SETD2: variants seen among roughly 807,000 people sequenced by gnomAD.
SETD2 encodes the protein SET domain containing 2, histone lysine methyltransferase.
In SETD2, 31 loss-of-function variants were observed where a neutral mutation model predicts 242.1. That is an observed-to-expected ratio of 0.13 (90% CI 0.10 to 0.17). The LOEUF is 0.17. Ranked by LOEUF, SETD2 falls within the 10% of genes least tolerant of loss-of-function variation. SETD2 has a pLI of 1.00. For synonymous variants in SETD2, 1,006 were observed against 1,066.5 expected (o/e 0.94, Z 1.11); for missense variants, 2,481 against 3,046.3 (o/e 0.81, Z 4.37).
intron 18 of SETD2, among the ~76,000 whole-genome samples, chr3:47,026,811 T>C (rs2038501016): frequency 6.6e-6 from 1 of 151,084 alleles, no homozygotes; most frequent in Non-Finnish European, 1.5e-5. Context: ...TGTCAGGGGG[T>C]AGGGGACTAG....
intron 1 of SETD2, among the ~76,000 whole-genome samples, chr3:47,159,249 G>A (rs1277938894): frequency 6.6e-6 from 1 of 152,096 alleles, no homozygotes; most frequent in African/African-American, 2.4e-5. Context: ...CCTTTCCCCT[G>A]AACTTCAGAC....
intron 18 of SETD2, among the ~76,000 whole-genome samples, chr3:47,022,938 G>A (rs1360538834): frequency 6.6e-6 from 1 of 152,220 alleles, no homozygotes; most frequent in Admixed American, 6.5e-5. Flanking sequence ...TACACAGGCT[G>A]TGTAACACAA....
At chr3:47,099,249 A>G (rs569410904) in intron 8 of SETD2, among the ~76,000 whole-genome samples, 1 of 152,350 alleles carries the variant, frequency 6.6e-6, no homozygotes, top group Non-Finnish European at 1.5e-5. Context: ...TAAAAGAATT[A>G]AAATATTCAG....
At chr3:47,037,059 C>CTTTT (rs10536067) in intron 18 of SETD2, among the ~76,000 whole-genome samples, 18 of 71,732 alleles carry the variant, frequency 2.5e-4, no homozygotes, top group South Asian at 7.0e-4. Flanking sequence ...AAAGGCCATT[C>CTTTT]TTTTTTTTTT....
intron 1 of SETD2, among the ~76,000 whole-genome samples, chr3:47,157,240 G>A (rs956306637): frequency 3.3e-5 from 5 of 152,134 alleles, no homozygotes; most frequent in African/African-American, 1.2e-4. Context: ...TCCAGCCTGG[G>A]CAAGAGCGAA....
At chr3:47,070,520 T>C (rs2040775352) in intron 12 of SETD2, among the ~76,000 whole-genome samples, 1 of 152,196 alleles carries the variant, frequency 6.6e-6, no homozygotes, top group Admixed American at 6.5e-5. Flanking sequence ...CATTGAAAGC[T>C]GAGAAGGAAG....
rs1427099928 is a variant in SETD2, at chr3:47,122,324, G to C, written c.2312C>G (p.Ser771Cys). 2.5e-6 allele frequency: 4 copies of C among 1,614,138 alleles called. No homozygotes were observed. In the Admixed American group the frequency reaches 6.7e-5, roughly 27 times the overall value. Residue 771 changes from serine to cysteine, a missense_variant, in exon 3 of 21, where the codon TCC (serine) becomes TGC (cysteine). Physicochemically the swap from Ser to Cys is moderately radical, Grantham distance 112. Transcript: ENST00000409792. ...MSMPVMTVDY[S>C]KTVVKEPVDT... ...AACTGGTTCTTTAACTACTGTTTTG[G>C]AATAATCCACAGTCATAACTGGCAT...
At chr3:47,085,721 C>T (rs1173276780) in intron 11 of SETD2, among the ~76,000 whole-genome samples, 1 of 152,194 alleles carries the variant, frequency 6.6e-6, no homozygotes, top group Non-Finnish European at 1.5e-5. Flanking sequence ...GACATCGTAA[C>T]TCCACTAATA....
rs77513150 is a variant in SETD2, at chr3:47,058,471, G to C, written c.6294-981C>G. On this transcript the variant is annotated intron_variant, in intron 14 of 20. Transcript: ENST00000409792. ...AAAAAAAAAAAAAAAAAAACACAAA[G>C]AGGGAGAATATTCACATAAGACTTG... 3.3e-3 allele frequency among the ~76,000 whole-genome samples: 200 copies of C among 60,994 alleles called. 2 individuals carry two copies. The highest frequency in any genetic ancestry group is 0.014 in the African/African-American group (187 of 13,844). 40.0% of individuals were successfully genotyped at this position (60,994 alleles called of 152,430 possible). A position where few individuals can be genotyped will look rare whatever the true frequency, so the allele number is the denominator to read the frequency against.
In SETD2 at chr3:47,121,648, T is replaced by C. The variant is rs772906890; in HGVS notation, c.2988A>G (p.Ser996=). The C allele has an allele frequency of 2.6e-5, 42 of 1,614,018 alleles. No homozygotes were observed. Among genetic ancestry groups the C allele is most frequent in the African/African-American group, 1.9e-4 (14 of 74,944 alleles). The change falls in exon 3 of 21, where the codon TCA becomes TCG. Residue 996 remains serine, a synonymous_variant. Coordinates refer to ENST00000409792, the MANE Select transcript of SETD2 (RefSeq NM_014159.7). The stretch of plus-strand genomic sequence containing the variant: ...AATCACAAGAAGAAAATACAACTTC[T>C]GAGTCATCAGAAGTATGCACATGTC... ...EGGHVHTSDD[S]EVVFSSCDLN...
In SETD2 at chr3:47,113,946, G is replaced by A. The variant is rs2107719506; in HGVS notation, c.4645C>T (p.His1549Tyr). The A allele has an allele frequency of 6.2e-7, 1 of 1,613,156 alleles. No individual in the cohort carries two copies. The stretch of plus-strand genomic sequence containing the variant: ...GTGAGTATGACTTCCACATCTGCAT[G>A]CTGTTTTCTCTGAAACCGTCTATTG... The part of the protein sequence containing the change: ...CSNRRFQRKQ[H>Y]ADVEVILTEK... Residue 1549 changes from histidine to tyrosine, a missense_variant, in exon 5 of 21, where the codon CAT becomes TAT. His to Tyr is a moderately conservative substitution (Grantham distance 83). Transcript: ENST00000409792.
rs1452241626 is a variant in SETD2 at position 47,106,118 on chromosome 3, T to C, written c.4718A>G (p.Asn1573Ser). ...TCCACAATATTCTAGGACAAAGGTG[T>C]TCCTGCAAACCAAAAGGAAAAAAAT... Reference protein sequence around the residue: ...GLRAAKDLPSNTFVLEYCGEV... With the variant: ...GLRAAKDLPSSTFVLEYCGEV... Residue 1573 changes from asparagine (N) to serine (S), a missense_variant and splice_region_variant, in exon 6 of 21, where the codon AAC (asparagine) becomes AGC (serine). Asn to Ser is a conservative substitution (Grantham distance 46). Transcript: ENST00000409792. 1 of 1,610,742 alleles carries C rather than the reference T, an allele frequency of 6.2e-7. No individual in the cohort carries two copies. Among genetic ancestry groups the C allele is most frequent in the East Asian group, 2.2e-5 (1 of 44,788 alleles).
intron 18 of SETD2, among the ~76,000 whole-genome samples, chr3:47,022,060 T>C (rs1001535633): frequency 1.4e-5 from 2 of 146,790 alleles, no homozygotes; most frequent in African/African-American, 2.4e-5. Context: ...GGCAGGAGAA[T>C]CGCTTGTGCC....
intron 1 of SETD2, among the ~76,000 whole-genome samples, chr3:47,144,089 A>G (rs1295308672): frequency 6.6e-6 from 1 of 152,172 alleles, no homozygotes; most frequent in Admixed American, 6.5e-5. Context: ...TCAGAGACAA[A>G]ACTTAAGTGC....
At chr3:47,161,753 AT>A (rs199660711) in intron 1 of SETD2, among the ~76,000 whole-genome samples, 1 of 151,312 alleles carries the variant, frequency 6.6e-6, no homozygotes, top group African/African-American at 2.4e-5. Context: ...AACGTAATTT[AT>A]TTTTTTTTAA....
At chr3:47,047,959 G>A (rs2039604282) in intron 15 of SETD2, among the ~76,000 whole-genome samples, 1 of 152,128 alleles carries the variant, frequency 6.6e-6, no homozygotes, top group South Asian at 2.1e-4. Flanking sequence ...TAGATACCTA[G>A]GCTATATGGT....
At chr3:47,022,110 G>A (rs1286685313) in intron 18 of SETD2, among the ~76,000 whole-genome samples, 5 of 151,462 alleles carry the variant, frequency 3.3e-5, no homozygotes, top group Non-Finnish European at 5.9e-5. Context: ...CAGGAGAATC[G>A]TTTGAACCCG....
intron 9 of SETD2, among the ~76,000 whole-genome samples, chr3:47,095,646 CAT>C (rs889930492): frequency 6.6e-6 from 1 of 151,334 alleles, no homozygotes; most frequent in Non-Finnish European, 1.5e-5. Flanking sequence ...CTTAAAGAAA[CAT>C]GTGCAAAAGA....
intron 9 of SETD2, among the ~76,000 whole-genome samples, chr3:47,092,554 T>C (rs935054205): frequency 1.3e-5 from 2 of 149,394 alleles, no homozygotes; most frequent in Admixed American, 6.7e-5. Flanking sequence ...AATTTATAGA[T>C]AGTATATATT....
Sources: gnomAD v4.1 joint callset for allele counts (sites outside exome capture counted in the v4.1 genomes callset) on GRCh38, gnomAD v4.1.1 for gene constraint, MANE v1.5 for transcripts, NCBI Gene and HGNC (gene_info 2026-07-23, HGNC 2026-07-21) for gene names.